SENP5: variants seen among roughly 807,000 people sequenced by gnomAD.
SENP5 encodes sentrin-specific protease 5.
SENP5 carries 21 observed loss-of-function variants against 74.2 expected under a neutral mutation model. The ratio of observed to expected loss-of-function variants is 0.28; its 90% confidence interval spans 0.20 to 0.41. SENP5 has a LOEUF of 0.41. Ranked by LOEUF, SENP5 falls within the 10% of genes least tolerant of loss-of-function variation. The pLI is 1.00. For missense variants in SENP5, 717 were observed against 889.1 expected (o/e 0.81, Z 2.46); for synonymous variants, 311 against 312.7 (o/e 0.99, Z 0.06).
rs761712660 is a variant in SENP5 at position 196,899,646 on chromosome 3, T to C, written c.1514-20T>C. The C allele has an allele frequency of 3.3e-6, 5 of 1,502,898 alleles. No individual in the cohort carries two copies. In the East Asian group the frequency reaches 9.0e-5, roughly 27 times the overall value. 93.1% of individuals were successfully genotyped at this position (1,502,898 alleles called of 1,614,324 possible). ...TGGCTTGTTTTTCCATCTTAACTTT[T>C]CTTTCTTCCTTTATTTAAGGATTCC... is the stretch of plus-strand genomic sequence containing the variant. On this transcript the variant is annotated intron_variant, in intron 2 of 9. Coordinates refer to ENST00000323460, the MANE Select transcript of SENP5 (RefSeq NM_152699.5).
intron 1 of SENP5, among the ~76,000 whole-genome samples, chr3:196,873,325 G>A (rs926506491): frequency 3.3e-5 from 5 of 151,374 alleles, no homozygotes; most frequent in African/African-American, 7.3e-5. Context: ...CGCCTGCCTC[G>A]GCCTCCCAAA....
chr3:196,931,422 A>G lies in SENP5; in HGVS notation c.*499A>G, dbSNP rs1716034203. On this transcript the variant is annotated 3_prime_UTR_variant, in exon 10 of 10. Coordinates refer to ENST00000323460, the MANE Select transcript of SENP5 (RefSeq NM_152699.5). Reference sequence around the variant, plus strand: ...GTCCTGTTTTACTTTACCAGCGGCAACTTTCACCAACTTCCCTCTCCAAGT... The same window carrying G: ...GTCCTGTTTTACTTTACCAGCGGCAGCTTTCACCAACTTCCCTCTCCAAGT... The G allele has an allele frequency of 6.4e-6, 1 of 156,502 alleles. No individual in the cohort carries two copies. Among genetic ancestry groups the G allele is most frequent in the Admixed American group, 6.3e-5 (1 of 15,750 alleles). 9.7% of individuals were successfully genotyped at this position (156,502 alleles called of 1,614,324 possible).
At chr3:196,873,578 C>A (rs1416928705) in intron 1 of SENP5, among the ~76,000 whole-genome samples, 1 of 151,956 alleles carries the variant, frequency 6.6e-6, no homozygotes, top group Non-Finnish European at 1.5e-5. Context: ...TGGTGGCTCA[C>A]GCCTGTAATC....
chr3:196,921,151 T>C (rs1161252294), intron 6 of SENP5, among the ~76,000 whole-genome samples: 1 of 152,224 alleles, frequency 6.6e-6, no homozygotes, highest in South Asian at 2.1e-4. Context: ...AATGAGATAT[T>C]TTGGGGGTAG....
chr3:196,902,240 C>T (rs919835306), intron 5 of SENP5, among the ~76,000 whole-genome samples: 2 of 152,234 alleles, frequency 1.3e-5, no homozygotes, highest in African/African-American at 4.8e-5. Flanking sequence ...CCTTAGCCTC[C>T]CAGGTAGCTG....
chr3:196,893,035 T>C (rs1714280311), intron 2 of SENP5, among the ~76,000 whole-genome samples: 1 of 152,216 alleles, frequency 6.6e-6, no homozygotes, highest in Non-Finnish European at 1.5e-5. Context: ...ACTGATTTTA[T>C]TGTCTTTGAA....
At chr3:196,899,618 A>G (rs772071020) in intron 2 of SENP5, 48 bp from the exon 3 acceptor site, 2 of 1,187,418 alleles carry the variant, frequency 1.7e-6, no homozygotes, top group East Asian at 2.3e-5. Context: ...ACTCTACTGA[A>G]AATGGCTTGT....
At chr3:196,915,634 G>A (rs116675281) in intron 6 of SENP5, among the ~76,000 whole-genome samples, 119 of 152,308 alleles carry the variant, frequency 7.8e-4, no homozygotes, top group Non-Finnish European at 1.4e-3. Flanking sequence ...TTGTGACCCA[G>A]TCCAGTGCCA....
intron 6 of SENP5, among the ~76,000 whole-genome samples, chr3:196,904,052 AC>A (rs1210903264): frequency 1.3e-5 from 2 of 152,250 alleles, no homozygotes; most frequent in Non-Finnish European, 2.9e-5. Context: ...AGGAGAAATA[AC>A]TTTTATATCA....
chr3:196,894,323 A>G (rs1264805533), intron 2 of SENP5, among the ~76,000 whole-genome samples: 2 of 151,704 alleles, frequency 1.3e-5, no homozygotes, highest in Non-Finnish European at 2.9e-5. Flanking sequence ...GGGTTTCTCC[A>G]TGTTGGTCAG....
chr3:196,877,382 A>G (rs1188893006), intron 1 of SENP5, among the ~76,000 whole-genome samples: 1 of 152,072 alleles, frequency 6.6e-6, no homozygotes, highest in African/African-American at 2.4e-5. Context: ...ACAGGGTTTC[A>G]CCATGTTGGC....
intron 2 of SENP5, among the ~76,000 whole-genome samples, chr3:196,898,769 C>T (rs1206450556): frequency 3.3e-5 from 5 of 151,542 alleles, no homozygotes; most frequent in Admixed American, 2.0e-4. Flanking sequence ...CGATTCTATG[C>T]GATGATTCCA....
intron 2 of SENP5, 21 bp downstream of exon 2, chr3:196,886,715 C>G: frequency 6.7e-7 from 1 of 1,496,984 alleles, no homozygotes; most frequent in Non-Finnish European, 8.9e-7. Context: ...TTCCTTTATT[C>G]TCCCTCAAAC....
intron 6 of SENP5, among the ~76,000 whole-genome samples, chr3:196,909,915 A>G (rs1191449793): frequency 6.6e-6 from 1 of 152,178 alleles, no homozygotes; most frequent in East Asian, 1.9e-4. Flanking sequence ...CAATCAGGCA[A>G]GAGAAAGAAA....
intron 6 of SENP5, among the ~76,000 whole-genome samples, chr3:196,907,096 T>G (rs1014563657): frequency 1.3e-5 from 2 of 152,148 alleles, no homozygotes; most frequent in African/African-American, 4.8e-5. Context: ...TAGAAAAATG[T>G]AGGACAACTA....
chr3:196,907,841 G>T (rs1017574926), intron 6 of SENP5, among the ~76,000 whole-genome samples: 1 of 152,052 alleles, frequency 6.6e-6, no homozygotes, highest in Non-Finnish European at 1.5e-5. Flanking sequence ...CATGCTGCCC[G>T]TGGGCTGTGG....
chr3:196,920,174 A>G (rs866200550), intron 6 of SENP5, among the ~76,000 whole-genome samples: 33 of 151,828 alleles, frequency 2.2e-4, no homozygotes, highest in African/African-American at 7.1e-4. Context: ...ATCTAATAAT[A>G]GTAAGCCTTT....
In SENP5 at chr3:196,932,839, A is replaced by G. The variant is rs1716086145; in HGVS notation, c.*1916A>G. The G allele has an allele frequency of 7.3e-6, 1 of 136,102 alleles. No homozygotes were observed. Among genetic ancestry groups the G allele is most frequent in the Admixed American group, 8.6e-5 (1 of 11,572 alleles). 8.4% of individuals were successfully genotyped at this position (136,102 alleles called of 1,614,324 possible). A position where few individuals can be genotyped will look rare whatever the true frequency, so the allele number is the denominator to read the frequency against. ...GTACTTCAGAGTGAGGAAGTGTTTCAGTTCCTCAGTGACAGAACCTGGCAT... is the reference window on the plus strand; with the variant it reads ...GTACTTCAGAGTGAGGAAGTGTTTCGGTTCCTCAGTGACAGAACCTGGCAT... On this transcript the variant is annotated 3_prime_UTR_variant, in exon 10 of 10. Coordinates refer to ENST00000323460, the MANE Select transcript of SENP5 (RefSeq NM_152699.5).
intron 5 of SENP5, among the ~76,000 whole-genome samples, chr3:196,901,300 C>T (rs148737556): frequency 0.011 from 1,732 of 152,154 alleles, 28 homozygotes; most frequent in African/African-American, 0.039. Flanking sequence ...CCACCTCCCC[C>T]TCCCAAAGTG....
Sources: allele counts gnomAD v4.1 joint callset (sites outside exome capture counted in the v4.1 genomes callset), GRCh38; gene constraint gnomAD v4.1.1; transcripts MANE v1.5; gene names NCBI Gene and HGNC (gene_info 2026-07-23, HGNC 2026-07-21).